The following SKAP1 variants were observed in gnomAD, a reference collection of about 807,000 sequenced individuals.
SKAP1 encodes the protein src kinase-associated phosphoprotein 1.
A neutral mutation model predicts 58.5 loss-of-function variants in SKAP1; 44 were observed. That is an observed-to-expected ratio of 0.75 (90% CI 0.59 to 0.97). The LOEUF (loss-of-function observed/expected upper bound fraction) is 0.97. Among genes scored for constraint, SKAP1 ranks in the 50% least tolerant of loss-of-function variants. The pLI, the probability that SKAP1 is intolerant of heterozygous loss-of-function variation, is 0.00. For synonymous variants in SKAP1, 127 were observed against 149.7 expected, an observed-to-expected ratio of 0.85 and a Z score of 1.11; for missense variants, 390 against 435.2, an observed-to-expected ratio of 0.90 and a Z score of 0.92.
At chr17:48,392,635 TGGATCACCTGAGGTCA>T (rs1242603910) in intron 2 of SKAP1, among the ~76,000 whole-genome samples, 1 of 152,002 alleles carries the variant, frequency 6.6e-6, no homozygotes, top group East Asian at 1.9e-4. Flanking sequence ...CCAAGGTGAG[TGGATCACCTGAGGTCA>T]GGAGAGACCA....
intron 11 of SKAP1, among the ~76,000 whole-genome samples, chr17:48,158,579 A>AAAG (rs1483041098): frequency 2.0e-5 from 3 of 149,294 alleles, no homozygotes; most frequent in Admixed American, 6.7e-5. Context: ...AAAAAAAAAA[A>AAAG]AAAAAGAAAA....
At chr17:48,166,366 G>A (rs2064139731) in intron 10 of SKAP1, among the ~76,000 whole-genome samples, 1 of 152,238 alleles carries the variant, frequency 6.6e-6, no homozygotes, top group African/African-American at 2.4e-5. Flanking sequence ...ACTAGTGACA[G>A]TCATTTCTCT....
intron 1 of SKAP1, among the ~76,000 whole-genome samples, chr17:48,405,392 C>CATTTCTTT (rs1491435155): frequency 1.5e-3 from 163 of 107,356 alleles, no homozygotes; most frequent in African/African-American, 5.7e-3. Context: ...TTTTCTCTTT[C>CATTTCTTT]CTTTCTTTCT....
intron 1 of SKAP1, among the ~76,000 whole-genome samples, chr17:48,428,148 AT>A (rs1238176923): frequency 5.3e-5 from 8 of 151,988 alleles, no homozygotes; most frequent in Admixed American, 2.0e-4. Flanking sequence ...CACACTTTAC[AT>A]TTTTTTCTCT....
In SKAP1 at chr17:48,175,407, C is replaced by G. The variant is rs537646679; in HGVS notation, c.826+4647G>C. ...GAAAAGTAGAAATAAACTGCTCCCC[C>G]GCATGCACAGATATGTTATAAATCC... On this transcript the variant is annotated intron_variant, in intron 9 of 12. Transcript: ENST00000336915. Among the ~76,000 whole-genome samples, 20 of 152,266 alleles carry G rather than the reference C, an allele frequency of 1.3e-4. 1 individual carries two copies. The highest frequency in any genetic ancestry group is 4.6e-4 in the African/African-American group (19 of 41,548).
intron 2 of SKAP1, among the ~76,000 whole-genome samples, chr17:48,371,049 G>A (rs1161620285): frequency 6.6e-6 from 1 of 152,156 alleles, no homozygotes; most frequent in Non-Finnish European, 1.5e-5. Flanking sequence ...AATACTGCAT[G>A]TTCTCACTTA....
In SKAP1 at chr17:48,265,437, G is replaced by A. The variant is rs146114016; in HGVS notation, c.281-75937C>T. ...GGAGAATCACTTGAACCTGGGAGGC[G>A]GAGGTTGCAGTGAGCTGAGACCGCA... On this transcript the variant is annotated intron_variant, in intron 4 of 12. Transcript: ENST00000336915. 3.6e-4 allele frequency among the ~76,000 whole-genome samples: 54 copies of A among 151,858 alleles called. No individual in the cohort carries two copies. The East Asian group carries it at 7.5e-3, about 21-fold the overall frequency.
At position 48,180,247 on chromosome 17, in the gene SKAP1, A is replaced by C; in HGVS notation, c.633T>G (p.Asp211Glu). 1 of 1,564,152 alleles carries C rather than the reference A, an allele frequency of 6.4e-7. No individual in the cohort carries two copies. The highest frequency in any genetic ancestry group is 8.7e-7 in the Non-Finnish European group (1 of 1,155,182). Residue 211 changes from aspartate (D) to glutamate (E), a missense_variant and splice_region_variant, in exon 9 of 13, where the codon GAT (aspartate) becomes GAG (glutamate). By Grantham distance (45) the Asp-to-Glu change is conservative (BLOSUM62 2). Coordinates refer to ENST00000336915, the MANE Select transcript of SKAP1 (RefSeq NM_003726.4). ...WVDQISFLLK[D>E]LSSLTIPYEE... ...CATATGGAATGGTTAAGGAGCTCAGATCTAACAAGGCAAAGATGAGAATGA... is the reference window on the plus strand; with the variant it reads ...CATATGGAATGGTTAAGGAGCTCAGCTCTAACAAGGCAAAGATGAGAATGA...
chr17:48,148,593 A>C (rs551880384), intron 11 of SKAP1, among the ~76,000 whole-genome samples: 6 of 152,212 alleles, frequency 3.9e-5, no homozygotes, highest in Non-Finnish European at 5.9e-5. Flanking sequence ...TGCTCGGCCC[A>C]TCTGTGCTGC....
chr17:48,431,955 G>T (rs958807162), upstream of SKAP1, among the ~76,000 whole-genome samples: 1 of 152,122 alleles, frequency 6.6e-6, no homozygotes, highest in African/African-American at 2.4e-5. Flanking sequence ...CCTCAAAGAT[G>T]AGGGTGTGAT....
intron 4 of SKAP1, among the ~76,000 whole-genome samples, chr17:48,321,483 T>C (rs915275219): frequency 8.6e-5 from 13 of 151,612 alleles, no homozygotes; most frequent in Admixed American, 3.9e-4. Context: ...GTTCACACCA[T>C]CCTCCTGCCT....
the SKAP1 span, among the ~76,000 whole-genome samples, chr17:48,440,279 C>T: frequency 2.6e-5 from 4 of 152,278 alleles, no homozygotes; most frequent in South Asian, 6.2e-4. Flanking sequence ...AGGCTTCATA[C>T]GTTGACAGAC....
chr17:48,375,401 A>G (rs370941570), intron 2 of SKAP1, among the ~76,000 whole-genome samples: 1 of 152,376 alleles, frequency 6.6e-6, no homozygotes. Flanking sequence ...AGTACTATTT[A>G]ACACTAGAGT....
intron 4 of SKAP1, among the ~76,000 whole-genome samples, chr17:48,254,869 C>G (rs1431490567): frequency 1.3e-5 from 2 of 151,982 alleles, no homozygotes; most frequent in African/African-American, 4.8e-5. Context: ...CTAACATCAT[C>G]AGCAATGGTC....
At chr17:48,361,943 G>T (rs2066943959) in intron 3 of SKAP1, among the ~76,000 whole-genome samples, 1 of 152,066 alleles carries the variant, frequency 6.6e-6, no homozygotes, top group Non-Finnish European at 1.5e-5. Context: ...GATCAAAAGG[G>T]CAAGGTAAAA....
At chr17:48,302,096 T>G (rs2144132566) in intron 4 of SKAP1, among the ~76,000 whole-genome samples, 1 of 152,278 alleles carries the variant, frequency 6.6e-6, no homozygotes, top group East Asian at 1.9e-4. Flanking sequence ...AACTTAAAAA[T>G]GAATTCAAAA....
Position 48,359,942 on chromosome 17 carries a change from G to A in SKAP1, c.178+3847C>T, listed in dbSNP as rs548222788. On this transcript the variant is annotated intron_variant, in intron 3 of 12. Coordinates refer to ENST00000336915, the MANE Select transcript of SKAP1 (RefSeq NM_003726.4). Reference sequence around the variant, plus strand: ...TTATTAGGCATCGATTTACTTTGACGTGAATATAGGCTTGCCATTTCAAAA... The same window carrying A: ...TTATTAGGCATCGATTTACTTTGACATGAATATAGGCTTGCCATTTCAAAA... Among the ~76,000 whole-genome samples, 13 of 152,290 alleles carry A rather than the reference G, an allele frequency of 8.5e-5. No homozygotes were observed. In the East Asian group the frequency reaches 1.7e-3, roughly 20 times the overall value.
At chr17:48,349,709 T>C (rs1489526216) in intron 3 of SKAP1, among the ~76,000 whole-genome samples, 1 of 152,178 alleles carries the variant, frequency 6.6e-6, no homozygotes, top group East Asian at 1.9e-4. Flanking sequence ...GCAGGATGAT[T>C]TCTCTATTCT....
intron 4 of SKAP1, among the ~76,000 whole-genome samples, chr17:48,278,821 T>C (rs1369345416): frequency 6.6e-6 from 1 of 152,098 alleles, no homozygotes; most frequent in Non-Finnish European, 1.5e-5. Context: ...AAACAAAGTT[T>C]CAGACATATT....
Sources: gnomAD v4.1 joint callset for allele counts (sites outside exome capture counted in the v4.1 genomes callset) on GRCh38, gnomAD v4.1.1 for gene constraint, MANE v1.5 for transcripts, NCBI Gene and HGNC (gene_info 2026-07-23, HGNC 2026-07-21) for gene names.